The following TTLL5 variants were observed in gnomAD, a reference collection of about 807,000 sequenced individuals.
The protein encoded by TTLL5 is tubulin tyrosine ligase like 5.
A neutral mutation model predicts 168.4 loss-of-function variants in TTLL5; 132 were observed. That is an observed-to-expected ratio of 0.78 (90% CI 0.68 to 0.91). The LOEUF is 0.91. TTLL5 is among the 40% of genes least tolerant of loss of function. TTLL5 has a pLI of 0.00. For missense variants in TTLL5, 1,545 were observed against 1,581.5 expected, an observed-to-expected ratio of 0.98 and a Z score of 0.39; for synonymous variants, 546 against 558.6, an observed-to-expected ratio of 0.98 and a Z score of 0.32.
intron 29 of TTLL5, among the ~76,000 whole-genome samples, chr14:75,880,355 T>A (rs890143889): frequency 2.6e-5 from 4 of 152,232 alleles, no homozygotes; most frequent in African/African-American, 9.7e-5. Flanking sequence ...ATTTATTGAA[T>A]AGATGTTCTT....
At chr14:75,843,287 CA>C (rs1358116330) in intron 28 of TTLL5, among the ~76,000 whole-genome samples, 2 of 152,304 alleles carry the variant, frequency 1.3e-5, no homozygotes, top group African/African-American at 4.8e-5. Flanking sequence ...CCACTCTTCC[CA>C]CTGTGGAACT....
rs777716196 is a variant in TTLL5, at chr14:75,882,914, T to C, written c.3740+12T>C. 4.3e-6 allele frequency: 7 copies of C among 1,612,636 alleles called. No homozygotes were observed. The highest frequency in any genetic ancestry group is 5.9e-6 in the Non-Finnish European group (7 of 1,178,670). Reference sequence around the variant, plus strand: ...CAGAAAGCTTCCAAGTAAGTTTTTTTCTGTTCAATTTCTACTGAGTTTTAT... The same window carrying C: ...CAGAAAGCTTCCAAGTAAGTTTTTTCCTGTTCAATTTCTACTGAGTTTTAT... On this transcript the variant is annotated intron_variant, in intron 30 of 31. Coordinates refer to ENST00000298832, the MANE Select transcript of TTLL5 (RefSeq NM_015072.5).
intron 17 of TTLL5, 69 bp downstream of exon 17, chr14:75,745,650 T>C: frequency 8.3e-7 from 1 of 1,206,322 alleles, no homozygotes; most frequent in Admixed American, 1.8e-5. Flanking sequence ...TGTGATACAC[T>C]GTCATCACTG....
chr14:75,853,827 T>C (rs1219161929), intron 28 of TTLL5, among the ~76,000 whole-genome samples: 1 of 152,130 alleles, frequency 6.6e-6, no homozygotes, highest in African/African-American at 2.4e-5. Flanking sequence ...GCAGATCACT[T>C]GAGATCAGGA....
chr14:75,688,017 T>C (rs952340453), intron 5 of TTLL5, among the ~76,000 whole-genome samples: 1 of 152,154 alleles, frequency 6.6e-6, no homozygotes, highest in South Asian at 2.1e-4. Context: ...ATAACTGTGA[T>C]CTTGTGAAAT....
intron 14 of TTLL5, among the ~76,000 whole-genome samples, chr14:75,734,715 T>G (rs1288908690): frequency 1.3e-5 from 2 of 152,210 alleles, no homozygotes; most frequent in Non-Finnish European, 2.9e-5. Flanking sequence ...ATAGATAATC[T>G]ACAAAGCCAA....
At chr14:75,667,907 C>T (rs570372653) in intron 2 of TTLL5, among the ~76,000 whole-genome samples, 18 of 151,808 alleles carry the variant, frequency 1.2e-4, no homozygotes, top group Non-Finnish European at 2.1e-4. Flanking sequence ...ACTACAGGTG[C>T]GGGCCACCAC....
At chr14:75,725,711 A>G (rs941889890) in intron 12 of TTLL5, among the ~76,000 whole-genome samples, 11 of 152,110 alleles carry the variant, frequency 7.2e-5, no homozygotes, top group Admixed American at 5.2e-4. Context: ...TCCCGTAACT[A>G]GATACTCAGG....
chr14:75,760,878 AAAAC>A (rs1254595739), intron 18 of TTLL5, among the ~76,000 whole-genome samples: 3 of 152,172 alleles, frequency 2.0e-5, no homozygotes, highest in African/African-American at 7.2e-5. Flanking sequence ...AAAGCAATAA[AAAAC>A]AAATAATGTT....
Position 75,935,737 on chromosome 14 carries a change from G to C in TTLL5, c.3824-18687G>C, listed in dbSNP as rs2140179991. Reference sequence around the variant, plus strand: ...ATTATGCTCCCCTTCATATAAAAAGGGGAGGAGGAATATATGTTTGTATGT... The same window carrying C: ...ATTATGCTCCCCTTCATATAAAAAGCGGAGGAGGAATATATGTTTGTATGT... On this transcript the variant is annotated intron_variant, in intron 31 of 31. Coordinates refer to ENST00000298832, the MANE Select transcript of TTLL5 (RefSeq NM_015072.5). Among the ~76,000 whole-genome samples the C allele has an allele frequency of 5.3e-5, 8 of 152,312 alleles. 2 individuals are homozygous for C. In the Middle Eastern group the frequency reaches 0.024, roughly 453 times the overall value.
intron 28 of TTLL5, among the ~76,000 whole-genome samples, chr14:75,846,757 T>C (rs1244372977): frequency 1.5e-5 from 2 of 133,292 alleles, no homozygotes; most frequent in African/African-American, 5.9e-5. Context: ...ACCATTGCAC[T>C]CCAGCCTGGG....
chr14:75,698,825 A>C (rs573831131), intron 6 of TTLL5, among the ~76,000 whole-genome samples: 164 of 151,986 alleles, frequency 1.1e-3, no homozygotes, highest in Non-Finnish European at 1.9e-3. Flanking sequence ...GGACTGTTTG[A>C]GCCCCAGAGG....
chr14:75,940,976 C>G (rs531060637), intron 31 of TTLL5, among the ~76,000 whole-genome samples: 109 of 152,256 alleles, frequency 7.2e-4, no homozygotes, highest in African/African-American at 2.6e-3. Flanking sequence ...TAAAATTATT[C>G]AACACTCATT....
chr14:75,914,198 T>G (rs563556855), intron 31 of TTLL5, among the ~76,000 whole-genome samples: 1 of 151,492 alleles, frequency 6.6e-6, no homozygotes, highest in Admixed American at 6.6e-5. Flanking sequence ...ATCACAAAGT[T>G]TAACACTTCT....
chr14:75,882,859 C>A lies in TTLL5; in HGVS notation c.3697C>A (p.His1233Asn). The A allele has an allele frequency of 6.2e-7, 1 of 1,614,166 alleles. No homozygotes were observed. The highest frequency in any genetic ancestry group is 8.5e-7 in the Non-Finnish European group (1 of 1,180,030). The change falls in exon 30 of 32, where the codon CAC (histidine) becomes AAC (asparagine). Residue 1233 changes from histidine (H) to asparagine (N), a missense_variant. His to Asn is a moderately conservative substitution (Grantham distance 68). Transcript: ENST00000298832. ...CCTGGTTCCCAAACCCCCACCCAAC[C>A]ACGAACAAGTGCTCAGAAGGGCAAC... ...ASLVPKPPPN[H>N]EQVLRRATSQ...
At position 75,728,894 on chromosome 14, in the gene TTLL5, A is replaced by G. The variant is rs181731784; in HGVS notation, c.1043-3444A>G. Among the ~76,000 whole-genome samples the G allele has an allele frequency of 2.6e-4, 39 of 152,306 alleles. No homozygotes were observed. In the East Asian group the frequency reaches 6.0e-3, roughly 23 times the overall value. ...AGAACCCAAGGGAGAAGAAAGCTCC[A>G]GTAAGTCAGGGGTGGTCATCAGTTT... is the stretch of plus-strand genomic sequence containing the variant. On this transcript the variant is annotated intron_variant, in intron 12 of 31. Coordinates refer to ENST00000298832, the MANE Select transcript of TTLL5 (RefSeq NM_015072.5).
At chr14:75,694,405 C>T (rs549256065) in intron 6 of TTLL5, among the ~76,000 whole-genome samples, 9 of 151,586 alleles carry the variant, frequency 5.9e-5, no homozygotes, top group East Asian at 1.9e-4. Flanking sequence ...GGTGTGATCT[C>T]GGCTCACTGC....
At chr14:75,676,916 G>C (rs1041614153) in intron 3 of TTLL5, among the ~76,000 whole-genome samples, 1 of 151,938 alleles carries the variant, frequency 6.6e-6, no homozygotes, top group African/African-American at 2.4e-5. Context: ...TTGGACTAGA[G>C]ACATGTACCA....
chr14:75,813,837 A>G (rs915704660), intron 27 of TTLL5, among the ~76,000 whole-genome samples: 8 of 151,592 alleles, frequency 5.3e-5, no homozygotes, highest in Admixed American at 1.3e-4. Flanking sequence ...TAAAAAAAAA[A>G]AAAAAAGCTA....
Sources: allele counts gnomAD v4.1 joint callset (sites outside exome capture counted in the v4.1 genomes callset), GRCh38; gene constraint gnomAD v4.1.1; transcripts MANE v1.5; gene names NCBI Gene and HGNC (gene_info 2026-07-23, HGNC 2026-07-21).